The following MEP1A variants were observed in gnomAD, a reference collection of about 807,000 sequenced individuals.
MEP1A encodes the protein meprin A subunit alpha.
A neutral mutation model predicts 84.5 loss-of-function variants in MEP1A; 68 were observed. The observed-to-expected ratio is 0.80, with a 90% CI of 0.66 to 0.98. The LOEUF is 0.98. Ranked by LOEUF, MEP1A falls within the 50% of genes least tolerant of loss-of-function variation. The pLI, the probability that MEP1A is intolerant of heterozygous loss-of-function variation, is 0.00. For missense variants in MEP1A, 887 were observed against 919.9 expected (o/e 0.96, Z 0.46); for synonymous variants, 337 against 336.8 (o/e 1.00, Z -0.01).
At chr6:46,798,741 G>A in intron 4 of MEP1A, 95 bp downstream of exon 4, 1 of 1,023,652 alleles carries the variant, frequency 9.8e-7, no homozygotes, top group East Asian at 2.4e-5. Context: ...GATGGGCACT[G>A]TGAAGGAGAT....
chr6:46,844,216 G>T (rs1246296672), downstream of MEP1A, among the ~76,000 whole-genome samples: 1 of 152,124 alleles, frequency 6.6e-6, no homozygotes, highest in Non-Finnish European at 1.5e-5. Context: ...GCAAACTCTT[G>T]ATAACTCTAA....
chr6:46,843,411 C>G (rs1357507119), downstream of MEP1A, among the ~76,000 whole-genome samples: 2 of 152,186 alleles, frequency 1.3e-5, no homozygotes, highest in African/African-American at 2.4e-5. Flanking sequence ...GTTCACTGGG[C>G]CTGCCAGAGT....
In MEP1A at chr6:46,825,468, G is replaced by A. The variant is rs954778640; in HGVS notation, c.753G>A (p.Glu251=). The A allele has an allele frequency of 1.2e-6, 2 of 1,613,050 alleles. No homozygotes were observed. Among genetic ancestry groups the A allele is most frequent in the Non-Finnish European group, 8.5e-7 (1 of 1,179,392 alleles). ...TGGATTTCAGTGCCATTGATTTAGA[G>A]AGGCTGAACCGAATGTACAATTGCA... ...QRLDFSAIDL[E]RLNRMYNCTT... The change falls in exon 8 of 14, where the codon GAG becomes GAA. Residue 251 remains glutamate (E), a synonymous_variant. Transcript: ENST00000230588.
chr6:46,803,179 C>A (rs1581665326), intron 5 of MEP1A, among the ~76,000 whole-genome samples: 1 of 151,132 alleles, frequency 6.6e-6, no homozygotes, highest in East Asian at 1.9e-4. Flanking sequence ...ATAAAATAAC[C>A]AAGTAATGGA....
At chr6:46,828,908 C>T (rs1031614186) in intron 9 of MEP1A, among the ~76,000 whole-genome samples, 1 of 121,334 alleles carries the variant, frequency 8.2e-6, no homozygotes, top group African/African-American at 3.3e-5. Flanking sequence ...GAAATTGAAC[C>T]CTTATTGTCA....
At chr6:46,822,159 T>A (rs1767794352) in intron 7 of MEP1A, among the ~76,000 whole-genome samples, 1 of 152,172 alleles carries the variant, frequency 6.6e-6, no homozygotes. Context: ...TCTACTTGCT[T>A]TTGTAAATAA....
At chr6:46,809,999 C>A (rs903797093) in intron 6 of MEP1A, among the ~76,000 whole-genome samples, 4 of 151,902 alleles carry the variant, frequency 2.6e-5, no homozygotes, top group African/African-American at 4.8e-5. Flanking sequence ...ATTGCTGGAT[C>A]AAATGGTAGT....
chr6:46,824,683 A>T (rs1332331256), intron 7 of MEP1A, among the ~76,000 whole-genome samples: 1 of 130,634 alleles, frequency 7.7e-6, no homozygotes, highest in African/African-American at 3.0e-5. Context: ...GATGTATTTA[A>T]ATATATATAA....
chr6:46,832,811 T>A (rs1170247566), intron 10 of MEP1A, among the ~76,000 whole-genome samples: 1 of 152,240 alleles, frequency 6.6e-6, no homozygotes, highest in African/African-American at 2.4e-5. Flanking sequence ...CCTGGATTCT[T>A]ATAGTGGAAA....
In MEP1A at chr6:46,829,530, CA is replaced by C. The variant is rs1554190900; in HGVS notation, c.1104del (p.Gly369AlafsTer7). On this transcript the variant is annotated frameshift_variant, in exon 10 of 14. Transcript: ENST00000230588. LOFTEE classifies it high-confidence loss of function. ...GTCTGGGTCAGGAGGGATGACAGCA[CA>C]GGCAATGTTCGCAAGTTGGTGAAGG... ...LVVWVRRDDS[T>X]GNVRKLVKVQ... The C allele has an allele frequency of 6.2e-7, 1 of 1,614,056 alleles. No homozygotes were observed. The highest frequency in any genetic ancestry group is 8.5e-7 in the Non-Finnish European group (1 of 1,180,038).
chr6:46,841,886 T>C (rs1451616753), downstream of MEP1A, among the ~76,000 whole-genome samples: 1 of 152,242 alleles, frequency 6.6e-6, no homozygotes, highest in Non-Finnish European at 1.5e-5. Flanking sequence ...TTAACCATTG[T>C]TGCGGGAAGT....
At chr6:46,807,772 AAAG>A (rs1767383063) in intron 5 of MEP1A, among the ~76,000 whole-genome samples, 1 of 41,004 alleles carries the variant, frequency 2.4e-5, no homozygotes, top group Admixed American at 2.1e-4. Flanking sequence ...GGGAGAAAGG[AAAG>A]AAAGAAAGAA....
rs1768290166 is a variant in MEP1A, at chr6:46,839,418, A to G, written c.*282A>G. 1 of 231,868 alleles carries G rather than the reference A, an allele frequency of 4.3e-6. No individual in the cohort carries two copies. Among genetic ancestry groups the G allele is most frequent in the Admixed American group, 5.7e-5 (1 of 17,680 alleles). The allele number at this position is 231,868 out of a possible 1,614,324, so 14.4% of individuals were successfully genotyped here. A position where few individuals can be genotyped will look rare whatever the true frequency, so the allele number is the denominator to read the frequency against. ...GTCTTTCCTATAGACTGTAAGCTCC[A>G]TGAGGGCAGGCACATGTTGTTCTCA... On this transcript the variant is annotated 3_prime_UTR_variant, in exon 14 of 14. Coordinates refer to ENST00000230588, the MANE Select transcript of MEP1A (RefSeq NM_005588.3).
intron 7 of MEP1A, among the ~76,000 whole-genome samples, chr6:46,822,946 C>T (rs1310297143): frequency 3.9e-5 from 6 of 152,128 alleles, no homozygotes; most frequent in African/African-American, 7.2e-5. Flanking sequence ...ATTGTAGACT[C>T]TTATGCTCTT....
chr6:46,799,155 T>C lies in MEP1A; in HGVS notation c.236T>C (p.Ile79Thr). 6.2e-7 allele frequency: 1 copy of C among 1,612,340 alleles called. No individual in the cohort carries two copies. Among genetic ancestry groups the C allele is most frequent in the Non-Finnish European group, 8.5e-7 (1 of 1,178,358 alleles). The change falls in exon 5 of 14, where the codon ATT (isoleucine) becomes ACT (threonine). Residue 79 changes from isoleucine to threonine, a missense_variant. Coordinates refer to ENST00000230588, the MANE Select transcript of MEP1A (RefSeq NM_005588.3). ...CCAAACACCAGGTGGACGTTCCCCA[T>C]TCCTTACATCTTGGCTGATAATTTG... ...RDPNTRWTFP[I>T]PYILADNLGL...
Position 46,805,268 on chromosome 6 carries a change from A to G in MEP1A, c.263-4152A>G, listed in dbSNP as rs9472868. On this transcript the variant is annotated intron_variant, in intron 5 of 13. Coordinates refer to ENST00000230588, the MANE Select transcript of MEP1A (RefSeq NM_005588.3). ...TGCTGGTACCATTTTATACAACCAC[A>G]AACAATGTACGTGAGTTTCGTTTAC... Among the ~76,000 whole-genome samples, 253 of 152,042 alleles carry G rather than the reference A, an allele frequency of 1.7e-3. 1 individual carries two copies. Among genetic ancestry groups the G allele is most frequent in the African/African-American group, 5.5e-3 (230 of 41,522 alleles).
At chr6:46,820,188 T>C (rs1581678453) in intron 7 of MEP1A, among the ~76,000 whole-genome samples, 1 of 152,194 alleles carries the variant, frequency 6.6e-6, no homozygotes, top group East Asian at 1.9e-4. Flanking sequence ...CAAAAATAAA[T>C]GCTTTTATCT....
chr6:46,845,205 G>A, the MEP1A span, among the ~76,000 whole-genome samples: 1 of 152,178 alleles, frequency 6.6e-6, no homozygotes, highest in African/African-American at 2.4e-5. Context: ...CCAATGGAAT[G>A]GAAGCAGGAA....
intron 5 of MEP1A, among the ~76,000 whole-genome samples, chr6:46,799,402 C>G (rs1767142549): frequency 6.6e-6 from 1 of 152,156 alleles, no homozygotes; most frequent in South Asian, 2.1e-4. Flanking sequence ...TTTTAAAATG[C>G]AACACACATT....
Sources: allele counts gnomAD v4.1 joint callset (sites outside exome capture counted in the v4.1 genomes callset), GRCh38; gene constraint gnomAD v4.1.1; transcripts MANE v1.5; gene names NCBI Gene and HGNC (gene_info 2026-07-23, HGNC 2026-07-21).